Variants in IMMP2L observed in about 807,000 individuals in gnomAD.
IMMP2L encodes the protein inner mitochondrial membrane peptidase subunit 2.
A neutral mutation model predicts 19.3 loss-of-function variants in IMMP2L; 18 were observed. The observed-to-expected ratio is 0.93, with a 90% CI of 0.64 to 1.38. IMMP2L has a LOEUF of 1.38. Ranked by LOEUF, IMMP2L falls within the 40% of genes most tolerant of loss-of-function variation. IMMP2L has a pLI of 0.00. For synonymous variants in IMMP2L, 76 were observed against 73.0 expected (o/e 1.04, Z -0.21); for missense variants, 233 against 218.2 (o/e 1.07, Z -0.43).
At chr7:111,549,951 A>C (rs1186998168) in intron 1 of IMMP2L, among the ~76,000 whole-genome samples, 1 of 152,056 alleles carries the variant, frequency 6.6e-6, no homozygotes, top group Non-Finnish European at 1.5e-5. Context: ...AAAAAAAAAA[A>C]AAAAAACATA....
At chr7:111,238,153 T>C (rs1036595460) in intron 3 of IMMP2L, among the ~76,000 whole-genome samples, 7 of 152,030 alleles carry the variant, frequency 4.6e-5, no homozygotes, top group Non-Finnish European at 4.4e-5. Context: ...GTATTGCTTA[T>C]GGAAACATAA....
intron 3 of IMMP2L, among the ~76,000 whole-genome samples, chr7:110,967,768 C>G (rs528667120): frequency 3.6e-4 from 55 of 152,154 alleles, no homozygotes; most frequent in African/African-American, 1.3e-3. Flanking sequence ...AGCCATATAA[C>G]TTTACATCAT....
intron 1 of IMMP2L, 65 bp downstream of exon 1, chr7:111,561,786 C>T (rs1792099370): frequency 6.6e-6 from 1 of 152,658 alleles, no homozygotes; most frequent in Admixed American, 6.5e-5. Context: ...TCTAGCCCTT[C>T]TCTCTCTCGC....
chr7:110,887,774 G>A (rs1410502262), intron 4 of IMMP2L, among the ~76,000 whole-genome samples: 1 of 149,216 alleles, frequency 6.7e-6, no homozygotes, highest in Non-Finnish European at 1.5e-5. Context: ...CCCCTAAAAA[G>A]CTCAGGAAAA....
In IMMP2L at chr7:110,757,043, A is replaced by G. The variant is rs1798078312; in HGVS notation, c.409-93322T>C. 6.6e-6 allele frequency among the ~76,000 whole-genome samples: 1 copy of G among 152,140 alleles called. No individual in the cohort carries two copies. ...ATGCAGTATGTAATGAAAGATACTG[A>G]AATTCCTGCCCTGGGGAGCTTAAAT... is the stretch of plus-strand genomic sequence containing the variant. On this transcript the variant is annotated intron_variant, in intron 5 of 5. Coordinates refer to ENST00000405709, the MANE Select transcript of IMMP2L (RefSeq NM_032549.4). The surrounding 1 kb of genome is among the most constrained non-coding windows in gnomAD (Gnocchi z 4.2).
chr7:110,979,554 C>A (rs1243400265), intron 3 of IMMP2L, among the ~76,000 whole-genome samples: 1 of 152,030 alleles, frequency 6.6e-6, no homozygotes, highest in African/African-American at 2.4e-5. Context: ...CTAAAGAATT[C>A]TATCAGTATT....
chr7:111,487,233 C>T lies in IMMP2L; in HGVS notation c.239+5G>A, dbSNP rs1444235775. 5.1e-6 allele frequency: 7 copies of T among 1,381,248 alleles called. No homozygotes were observed. The highest frequency in any genetic ancestry group is 7.2e-6 in the Non-Finnish European group (7 of 969,292). The allele number at this position is 1,381,248 out of a possible 1,614,324, so 85.6% of individuals were successfully genotyped here. On this transcript the variant is annotated splice_donor_5th_base_variant and intron_variant, in intron 3 of 5. Transcript: ENST00000405709. ...ACAAATATAGTATGCTTCTGAGTTA[C>T]TTACACCAATGATACAATGTCACCA...
At chr7:111,223,989 C>T (rs1812802177) in intron 3 of IMMP2L, among the ~76,000 whole-genome samples, 1 of 152,026 alleles carries the variant, frequency 6.6e-6, no homozygotes, top group Admixed American at 6.6e-5. Context: ...TAAATTGTTA[C>T]AAGAAAAGAA....
Position 111,254,306 on chromosome 7 carries a change from TA to T in IMMP2L, c.239+232931del, listed in dbSNP as rs548189540. Among the ~76,000 whole-genome samples the T allele has an allele frequency of 2.0e-3, 312 of 152,232 alleles. 2 individuals are homozygous for T. The highest frequency in any genetic ancestry group is 3.4e-3 in the Non-Finnish European group (232 of 68,004). ...GATCCTAAGCACTCTGGAATGATCCTAAAAACTCTGGAATGATCCTAAAAGT... is the reference window on the plus strand; with the variant it reads ...GATCCTAAGCACTCTGGAATGATCCTAAAACTCTGGAATGATCCTAAAAGT... On this transcript the variant is annotated intron_variant, in intron 3 of 5. Coordinates refer to ENST00000405709, the MANE Select transcript of IMMP2L (RefSeq NM_032549.4).
chr7:111,372,533 G>A (rs1830345526), intron 3 of IMMP2L, among the ~76,000 whole-genome samples: 1 of 151,942 alleles, frequency 6.6e-6, no homozygotes, highest in African/African-American at 2.4e-5. Flanking sequence ...AGATACCAAG[G>A]AAGGCAGAGA....
At chr7:111,457,521 CCTT>C (rs1338929169) in intron 3 of IMMP2L, among the ~76,000 whole-genome samples, 2 of 152,156 alleles carry the variant, frequency 1.3e-5, no homozygotes, top group Non-Finnish European at 2.9e-5. Flanking sequence ...TCACAGCAGT[CCTT>C]CTAGGTATAC....
At chr7:111,168,767 T>C (rs1442093925) in intron 3 of IMMP2L, among the ~76,000 whole-genome samples, 2 of 151,914 alleles carry the variant, frequency 1.3e-5, no homozygotes, top group Non-Finnish European at 1.5e-5. Flanking sequence ...GAGTAAATAA[T>C]CTGGCCTTTA....
At chr7:111,189,130 A>T (rs547940303) in intron 3 of IMMP2L, among the ~76,000 whole-genome samples, 11 of 152,154 alleles carry the variant, frequency 7.2e-5, no homozygotes, top group Admixed American at 6.5e-4. Context: ...AGAAGAAATA[A>T]GATAATTCAT....
chr7:110,836,701 TA>T (rs941064469), intron 5 of IMMP2L, among the ~76,000 whole-genome samples: 1 of 152,174 alleles, frequency 6.6e-6, no homozygotes, highest in African/African-American at 2.4e-5. Flanking sequence ...CATAAGTTAT[TA>T]AAAAATCCCC....
rs541017065 is a variant in IMMP2L, at chr7:110,771,708, C to A, written c.409-107987G>T. ...ACTCAAAGGACTTATCGAAAAACAT[C>A]AACACAAAACCCAACGAAGACTCCT... On this transcript the variant is annotated intron_variant, in intron 5 of 5. Transcript: ENST00000405709. 2.0e-3 allele frequency among the ~76,000 whole-genome samples: 298 copies of A among 152,270 alleles called. 2 individuals carry two copies. The highest frequency in any genetic ancestry group is 6.8e-3 in the African/African-American group (284 of 41,566).
intron 5 of IMMP2L, among the ~76,000 whole-genome samples, chr7:110,668,322 T>G (rs985178251): frequency 6.6e-6 from 1 of 152,248 alleles, no homozygotes; most frequent in Non-Finnish European, 1.5e-5. Flanking sequence ...CTAAGTGATC[T>G]GTCATATTGC....
At chr7:111,181,182 A>G (rs542965637) in intron 3 of IMMP2L, among the ~76,000 whole-genome samples, 3 of 152,022 alleles carry the variant, frequency 2.0e-5, no homozygotes, top group Non-Finnish European at 4.4e-5. Context: ...GCCACTTAAT[A>G]TGAAAGATTT....
chr7:110,809,162 G>A (rs1164618709), intron 5 of IMMP2L, among the ~76,000 whole-genome samples: 2 of 151,862 alleles, frequency 1.3e-5, no homozygotes, highest in Admixed American at 6.6e-5. Flanking sequence ...TGGTGGGCAG[G>A]CAAAAAGCAA....
chr7:111,279,919 T>C (rs1423641991), intron 3 of IMMP2L, among the ~76,000 whole-genome samples: 2 of 152,046 alleles, frequency 1.3e-5, no homozygotes, highest in African/African-American at 2.4e-5. Context: ...ACCTATCCAG[T>C]TTTCTCCATC....
Sources: gnomAD v4.1 joint callset for allele counts (sites outside exome capture counted in the v4.1 genomes callset) on GRCh38, gnomAD v4.1.1 for gene constraint, Gnocchi (gnomAD v3.1) non-coding constraint, MANE v1.5 for transcripts, NCBI Gene and HGNC (gene_info 2026-07-23, HGNC 2026-07-21) for gene names.